Variants in CPSF2 observed in about 807,000 individuals in gnomAD.
CPSF2 encodes the protein cleavage and polyadenylation specificity factor subunit 2.
A neutral mutation model predicts 84.2 loss-of-function variants in CPSF2; 51 were observed. The ratio of observed to expected loss-of-function variants is 0.61; its 90% CI spans 0.48 to 0.77. The LOEUF (loss-of-function observed/expected upper bound fraction) is 0.77. Among genes scored for constraint, CPSF2 ranks in the 30% least tolerant of loss-of-function variants. The pLI is 0.00. For missense variants in CPSF2, 641 were observed against 929.4 expected (o/e 0.69, Z 4.03); for synonymous variants, 286 against 311.9 (o/e 0.92, Z 0.87).
intron 2 of CPSF2, among the ~76,000 whole-genome samples, chr14:92,130,046 C>T (rs775163336): frequency 2.0e-5 from 3 of 152,150 alleles, no homozygotes; most frequent in Non-Finnish European, 4.4e-5. Context: ...CCGTGCCTGG[C>T]CTGTAGATGT....
chr14:92,130,378 A>G (rs530381704), intron 2 of CPSF2, among the ~76,000 whole-genome samples: 60 of 152,318 alleles, frequency 3.9e-4, no homozygotes, highest in African/African-American at 1.4e-3. Context: ...TGGGAGAGAA[A>G]GACATGTAAA....
At chr14:92,124,717 G>T (rs944956747) in intron 1 of CPSF2, among the ~76,000 whole-genome samples, 1 of 152,106 alleles carries the variant, frequency 6.6e-6, no homozygotes, top group Non-Finnish European at 1.5e-5. Context: ...GAAATGTGCT[G>T]TAAATATAAA....
chr14:92,126,168 G>A lies in CPSF2; in HGVS notation c.-47G>A, dbSNP rs1321014277. On this transcript the variant is annotated 5_prime_UTR_variant, in exon 2 of 16. Transcript: ENST00000298875. ...ATTCCTGGTGTTTCATCATATATAC[G>A]ACTAAGATATCAGTAAGTAGTGAAT... The A allele has an allele frequency of 6.6e-6, 1 of 152,032 alleles. No individual in the cohort carries two copies. The highest frequency in any genetic ancestry group is 2.4e-5 in the African/African-American group (1 of 41,392). The allele number at this position is 152,032 out of a possible 1,614,324, so 9.4% of individuals were successfully genotyped here. A position where few individuals can be genotyped will look rare whatever the true frequency, so the allele number is the denominator to read the frequency against.
At chr14:92,143,642 G>GT (rs1221666928) in intron 9 of CPSF2, among the ~76,000 whole-genome samples, 1 of 152,166 alleles carries the variant, frequency 6.6e-6, no homozygotes, top group African/African-American at 2.4e-5. Flanking sequence ...GTCTTGCTTT[G>GT]TTACCTAGTC....
chr14:92,136,479 C>G (rs1240504378), intron 6 of CPSF2, among the ~76,000 whole-genome samples: 1 of 152,150 alleles, frequency 6.6e-6, no homozygotes, highest in Non-Finnish European at 1.5e-5. Flanking sequence ...GCAGTCAGGC[C>G]TCAGGTGCAG....
chr14:92,138,367 C>CTGA lies in CPSF2; in HGVS notation c.661+21_661+22insGAT. 8.6e-7 allele frequency: 1 copy of CTGA among 1,158,778 alleles called. No homozygotes were observed. Among genetic ancestry groups the CTGA allele is most frequent in the Non-Finnish European group, 1.2e-6 (1 of 819,576 alleles). 71.8% of individuals were successfully genotyped at this position (1,158,778 alleles called of 1,614,324 possible). On this transcript the variant is annotated intron_variant, in intron 7 of 15. Coordinates refer to ENST00000298875, the MANE Select transcript of CPSF2 (RefSeq NM_017437.3). ...TTCTGAGTACGTATTCTTTCACGTC[C>CTGA]TTATTATTATTATTATTTTGTAACT...
At chr14:92,154,182 A>G in intron 9 of CPSF2, 176 bp from the exon 10 acceptor site, 1 of 475,712 alleles carries the variant, frequency 2.1e-6, no homozygotes, top group Admixed American at 3.6e-5. Flanking sequence ...CAATTTTAAT[A>G]CTAATCTAAA....
intron 5 of CPSF2, among the ~76,000 whole-genome samples, chr14:92,134,760 C>A (rs369443205): frequency 6.6e-6 from 1 of 152,064 alleles, no homozygotes; most frequent in African/African-American, 2.4e-5. Flanking sequence ...TAGCATTGGA[C>A]GTTAAAAAGT....
At chr14:92,147,683 G>A (rs1197716448) in intron 9 of CPSF2, among the ~76,000 whole-genome samples, 1 of 152,172 alleles carries the variant, frequency 6.6e-6, no homozygotes, top group Non-Finnish European at 1.5e-5. Flanking sequence ...AGGCAAATGT[G>A]AGATGCCAAA....
chr14:92,136,230 A>G (rs2068997052), intron 6 of CPSF2, among the ~76,000 whole-genome samples: 2 of 152,312 alleles, frequency 1.3e-5, no homozygotes, highest in African/African-American at 2.4e-5. Flanking sequence ...GTGTTACATT[A>G]CAATAGTCTC....
intron 3 of CPSF2, among the ~76,000 whole-genome samples, chr14:92,133,455 C>T (rs1051482235): frequency 1.3e-5 from 2 of 151,724 alleles, no homozygotes; most frequent in Non-Finnish European, 2.9e-5. Flanking sequence ...GTCTACTGTT[C>T]TTTTTTGTTT....
chr14:92,149,282 A>G (rs1013767091), intron 9 of CPSF2, among the ~76,000 whole-genome samples: 2 of 152,148 alleles, frequency 1.3e-5, no homozygotes, highest in African/African-American at 4.8e-5. Context: ...TGCTAGTTTC[A>G]CTTAAGAATG....
intron 9 of CPSF2, among the ~76,000 whole-genome samples, chr14:92,148,771 C>CAAAAA (rs34118244): frequency 1.3e-5 from 1 of 74,874 alleles, no homozygotes; most frequent in African/African-American, 4.6e-5. Flanking sequence ...GGCCTCTTCT[C>CAAAAA]AAAAAAAAAA....
chr14:92,136,662 T>C (rs1305002372), intron 6 of CPSF2, among the ~76,000 whole-genome samples: 1 of 152,186 alleles, frequency 6.6e-6, no homozygotes, highest in East Asian at 1.9e-4. Context: ...CAGGGAGCTC[T>C]CTTCTTCTTC....
chr14:92,121,972 A>C lies in CPSF2; in HGVS notation c.-250A>C. On this transcript the variant is annotated 5_prime_UTR_variant, in exon 1 of 16. Coordinates refer to ENST00000298875, the MANE Select transcript of CPSF2 (RefSeq NM_017437.3). ...CTGGTTCCTCCTCGTCTCCGCCGCT[A>C]GTCTCCAGCTCCAAAATGGCGGCTG... The C allele has an allele frequency of 3.8e-6, 3 of 787,966 alleles. No individual in the cohort carries two copies. Among genetic ancestry groups the C allele is most frequent in the South Asian group, 3.3e-5 (2 of 60,616 alleles). 48.8% of individuals were successfully genotyped at this position (787,966 alleles called of 1,614,324 possible).
chr14:92,149,528 G>T (rs2069184860), intron 9 of CPSF2, among the ~76,000 whole-genome samples: 1 of 152,170 alleles, frequency 6.6e-6, no homozygotes, highest in Non-Finnish European at 1.5e-5. Flanking sequence ...GAGGTGAGAG[G>T]ATTGCTTGAG....
chr14:92,143,113 T>C lies in CPSF2; in HGVS notation c.959T>C (p.Val320Ala), dbSNP rs746521115. The change falls in exon 9 of 16, where the codon GTA becomes GCA. Residue 320 changes from valine to alanine, a missense_variant. By Grantham distance (64) the Val-to-Ala change is moderately conservative (BLOSUM62 0). Coordinates refer to ENST00000298875, the MANE Select transcript of CPSF2 (RefSeq NM_017437.3). The part of the protein sequence containing the change: ...LCHGLSDLAR[V>A]PSPKVVLASQ... ...CATGGTCTTTCTGACTTGGCCCGTGTACCTAGCCCTAAAGTTGTACTTGCC... is the reference window on the plus strand; with the variant it reads ...CATGGTCTTTCTGACTTGGCCCGTGCACCTAGCCCTAAAGTTGTACTTGCC... 2 of 1,614,182 alleles carry C rather than the reference T, an allele frequency of 1.2e-6. No homozygotes were observed. Among genetic ancestry groups the C allele is most frequent in the Non-Finnish European group, 1.7e-6 (2 of 1,180,026 alleles).
chr14:92,157,080 C>T lies in CPSF2; in HGVS notation c.1595+449C>T, dbSNP rs900021456. ...GAAGTAGTTAGAAACCTTTTTTCTC[C>T]CGCTTTCTACTTAGTTAAATAATAC... On this transcript the variant is annotated intron_variant, in intron 12 of 15. Coordinates refer to ENST00000298875, the MANE Select transcript of CPSF2 (RefSeq NM_017437.3). The surrounding 1 kb of genome is among the most constrained non-coding windows in gnomAD (Gnocchi z 4.0). 1.3e-5 allele frequency among the ~76,000 whole-genome samples: 2 copies of T among 152,024 alleles called. No homozygotes were observed. The highest frequency in any genetic ancestry group is 1.3e-4 in the Admixed American group (2 of 15,260).
At chr14:92,123,054 C>T (rs1438640914) in intron 1 of CPSF2, among the ~76,000 whole-genome samples, 1 of 152,096 alleles carries the variant, frequency 6.6e-6, no homozygotes, top group Non-Finnish European at 1.5e-5. Context: ...CAGTGAGCTC[C>T]AGGGCTAACC....
Sources: gnomAD v4.1 joint callset for allele counts (sites outside exome capture counted in the v4.1 genomes callset) on GRCh38, gnomAD v4.1.1 for gene constraint, Gnocchi (gnomAD v3.1) non-coding constraint, MANE v1.5 for transcripts, NCBI Gene and HGNC (gene_info 2026-07-23, HGNC 2026-07-21) for gene names.